The following NR3C1 variants were observed in gnomAD, a reference collection of about 807,000 sequenced individuals.
The protein encoded by NR3C1 is nuclear receptor subfamily 3 group C member 1.
Under a neutral mutation model 74.0 loss-of-function variants are expected in NR3C1, and 14 were observed. That is an observed-to-expected ratio of 0.19 (90% CI 0.12 to 0.30). The LOEUF is 0.30. NR3C1 is among the 10% of genes least tolerant of loss of function. The pLI is 1.00. For missense variants in NR3C1, 695 were observed against 909.8 expected (o/e 0.76, Z 3.04); for synonymous variants, 308 against 332.5 (o/e 0.93, Z 0.80).
rs756550253 is a variant in NR3C1, at chr5:143,314,099, G to A, written c.1254C>T (p.Pro418=). The change falls in exon 3 of 9, where the codon CCC becomes CCT. Residue 418 remains proline (P), a synonymous_variant. Coordinates refer to ENST00000394464, the MANE Select transcript of NR3C1 (RefSeq NM_000176.3). ...SSSTATTGPP[P]KLCLVCSDEA... Reference sequence around the variant, plus strand: ...CATCAGAGCACACCAGGCAGAGTTTGGGAGGTGGTCCTGTTGTTGCTGTTG... The same window carrying A: ...CATCAGAGCACACCAGGCAGAGTTTAGGAGGTGGTCCTGTTGTTGCTGTTG... 1 of 1,613,810 alleles carries A rather than the reference G, an allele frequency of 6.2e-7. No individual in the cohort carries two copies. Among genetic ancestry groups the A allele is most frequent in the Admixed American group, 1.7e-5 (1 of 59,996 alleles).
upstream of NR3C1, chr5:143,404,510 C>G: frequency 1.0e-6 from 1 of 974,568 alleles, no homozygotes; most frequent in Non-Finnish European, 1.2e-6. Context: ...CTCCCCCGCG[C>G]CCCGACCGTC....
chr5:143,367,778 G>A (rs1833513182), intron 2 of NR3C1, among the ~76,000 whole-genome samples: 1 of 152,186 alleles, frequency 6.6e-6, no homozygotes, highest in African/African-American at 2.4e-5. Flanking sequence ...TTGTATTCAT[G>A]GGTTGGAAGA....
rs945219977 is a variant in NR3C1, at chr5:143,279,208, A to T, written c.*2681T>A. ...AAGATGACTTTCTTTTCCCCCACGT[A>T]TCCTAAAAGGGCACAGCTTCTTTTC... On this transcript the variant is annotated 3_prime_UTR_variant, in exon 9 of 9. Coordinates refer to ENST00000394464, the MANE Select transcript of NR3C1 (RefSeq NM_000176.3). The T allele has an allele frequency of 3.7e-6, 3 of 800,080 alleles. No individual in the cohort carries two copies. The African/African-American group carries it at 5.5e-5, about 15-fold the overall frequency. The allele number at this position is 800,080 out of a possible 1,614,324, so 49.6% of individuals were successfully genotyped here. A position where few individuals can be genotyped will look rare whatever the true frequency, so the allele number is the denominator to read the frequency against.
chr5:143,420,589 TG>T (rs1751174210), intron 1 of NR3C1, among the ~76,000 whole-genome samples: 1 of 152,138 alleles, frequency 6.6e-6, no homozygotes, highest in Admixed American at 6.5e-5. Flanking sequence ...AGGGGATATT[TG>T]GAAATTCCTG....
intron 2 of NR3C1, among the ~76,000 whole-genome samples, chr5:143,361,553 A>G (rs1400167829): frequency 2.0e-5 from 3 of 152,206 alleles, no homozygotes; most frequent in Non-Finnish European, 4.4e-5. Flanking sequence ...AGCTACCTCT[A>G]TAACCCCTGA....
At position 143,386,038 on chromosome 5, in the gene NR3C1, T is replaced by C. The variant is rs10055574; in HGVS notation, c.1184+13618A>G. 4.4e-3 allele frequency among the ~76,000 whole-genome samples: 665 copies of C among 152,310 alleles called. 2 individuals carry two copies. Among genetic ancestry groups the C allele is most frequent in the African/African-American group, 0.015 (632 of 41,564 alleles). ...CCACAGGCTTAACAGGAAGCATTAC[T>C]GGGAGGCCTCAGGAAACTTACACTC... is the stretch of plus-strand genomic sequence containing the variant. On this transcript the variant is annotated intron_variant, in intron 2 of 8. Transcript: ENST00000394464.
chr5:143,425,545 A>T (rs1044311328), intron 1 of NR3C1, among the ~76,000 whole-genome samples: 1 of 152,186 alleles, frequency 6.6e-6, no homozygotes, highest in African/African-American at 2.4e-5. Context: ...AAAGACAACC[A>T]ACATTTCAAA....
chr5:143,405,307 G>T (rs1263253165), upstream of NR3C1: 2 of 985,628 alleles, frequency 2.0e-6, no homozygotes, highest in Non-Finnish European at 2.4e-6. Context: ...ATCCTGCTCG[G>T]GCGCTCGGCC....
intron 7 of NR3C1, 52 bp from the exon 8 acceptor site, chr5:143,282,777 C>CTTTTTTTTTTTT: frequency 2.3e-6 from 3 of 1,325,976 alleles, no homozygotes; most frequent in Admixed American, 2.3e-5. Context: ...CTTTTCTTTT[C>CTTTTTTTTTTTT]TTTTTTTTTT....
intron 4 of NR3C1, among the ~76,000 whole-genome samples, chr5:143,308,237 G>A (rs1470676238): frequency 6.6e-6 from 1 of 152,214 alleles, no homozygotes; most frequent in East Asian, 1.9e-4. Context: ...ACGTTGGGAG[G>A]ATCACTTAAG....
At chr5:143,312,124 G>T (rs1821115696) in intron 3 of NR3C1, among the ~76,000 whole-genome samples, 3 of 152,032 alleles carry the variant, frequency 2.0e-5, no homozygotes, top group African/African-American at 7.2e-5. Context: ...CATTTTTGTG[G>T]TTAAAGTCTA....
intron 2 of NR3C1, among the ~76,000 whole-genome samples, chr5:143,354,137 C>G (rs1384817894): frequency 6.6e-6 from 1 of 152,216 alleles, no homozygotes; most frequent in African/African-American, 2.4e-5. Context: ...CTCTCACAGC[C>G]TTCATAGAAT....
intron 2 of NR3C1, chr5:143,390,052 C>T (rs532757060): frequency 1.0e-4 from 30 of 298,972 alleles, no homozygotes; most frequent in Non-Finnish European, 1.3e-4. Context: ...AACTTCGGCA[C>T]TAACAGAATA....
At chr5:143,368,643 A>C (rs1232165894) in intron 2 of NR3C1, among the ~76,000 whole-genome samples, 1 of 152,152 alleles carries the variant, frequency 6.6e-6, no homozygotes, top group African/African-American at 2.4e-5. Context: ...TTCAAAGAAA[A>C]TACACAAATG....
chr5:143,287,826 A>C (rs1437124578), intron 7 of NR3C1, among the ~76,000 whole-genome samples: 2 of 152,174 alleles, frequency 1.3e-5, no homozygotes. Context: ...AGAAAACTAG[A>C]TCTTAAACCA....
chr5:143,350,483 G>T (rs1400568529), intron 2 of NR3C1, among the ~76,000 whole-genome samples: 1 of 152,128 alleles, frequency 6.6e-6, no homozygotes, highest in Non-Finnish European at 1.5e-5. Flanking sequence ...CTGAGATAGG[G>T]ACTACAGGAG....
chr5:143,335,829 A>T (rs1827020589), intron 2 of NR3C1, among the ~76,000 whole-genome samples: 1 of 152,190 alleles, frequency 6.6e-6, no homozygotes, highest in Non-Finnish European at 1.5e-5. Context: ...CACCTTTGCA[A>T]ATGTCTGATT....
At chr5:143,382,686 C>G (rs1342605576) in intron 2 of NR3C1, among the ~76,000 whole-genome samples, 1 of 152,212 alleles carries the variant, frequency 6.6e-6, no homozygotes, top group African/African-American at 2.4e-5. Context: ...ACTCACAATA[C>G]TGGACCTAGT....
At chr5:143,405,238 C>G (rs1841034311), upstream of NR3C1, 1 of 985,850 alleles carries the variant, frequency 1.0e-6, no homozygotes. Flanking sequence ...TTTGCGCCCC[C>G]ACAGGTGACA....
Sources: gnomAD v4.1 joint callset for allele counts (sites outside exome capture counted in the v4.1 genomes callset) on GRCh38, gnomAD v4.1.1 for gene constraint, MANE v1.5 for transcripts, NCBI Gene and HGNC (gene_info 2026-07-23, HGNC 2026-07-21) for gene names.